Variants in TARBP1 observed in about 807,000 individuals in gnomAD.
The protein encoded by TARBP1 is tRNA (guanosine(18)-2'-O)-methyltransferase TARBP1.
A neutral mutation model predicts 178.6 loss-of-function variants in TARBP1; 144 were observed. The observed-to-expected ratio is 0.81, with a 90% CI of 0.70 to 0.93. The LOEUF (loss-of-function observed/expected upper bound fraction) is 0.93. Among genes scored for constraint, TARBP1 ranks in the 40% least tolerant of loss-of-function variants. TARBP1 has a pLI of 0.00. For missense variants in TARBP1, 2,067 were observed against 2,011.7 expected (o/e 1.03, Z -0.53); for synonymous variants, 787 against 781.0 (o/e 1.01, Z -0.13).
chr1:234,403,076 T>C (rs564688549), intron 24 of TARBP1, among the ~76,000 whole-genome samples: 16 of 152,308 alleles, frequency 1.1e-4, no homozygotes, highest in African/African-American at 3.6e-4. Context: ...TCACCTCCGA[T>C]CTGCTCTTCA....
rs559491475 is a variant in TARBP1, at chr1:234,393,010, C to T, written c.4560+352G>A. Among the ~76,000 whole-genome samples, 9 of 152,250 alleles carry T rather than the reference C, an allele frequency of 5.9e-5. No homozygotes were observed. The South Asian group carries it at 6.2e-4, about 11-fold the overall frequency. On this transcript the variant is annotated intron_variant, in intron 28 of 29. Coordinates refer to ENST00000040877, the MANE Select transcript of TARBP1 (RefSeq NM_005646.4). ...CTGGGATTACAGGCGTGAGCCACCG[C>T]GCCCAGCCACCATGATATAAATTTC...
intron 11 of TARBP1, among the ~76,000 whole-genome samples, 156 bp downstream of exon 11, chr1:234,448,324 A>G (rs1666390964): frequency 6.6e-6 from 1 of 152,202 alleles, no homozygotes; most frequent in Non-Finnish European, 1.5e-5. Flanking sequence ...TTTGTTATTA[A>G]CTTTAAACAT....
Position 234,465,685 on chromosome 1 carries a change from A to G in TARBP1, c.1272T>C (p.Asp424=). ...TATACAGAGAGCTCTCTGAAAGCGC[A>G]TCCATTAATGGTCCAATAATAAACT... ...FSEFIIGPLM[D]ALSESSLYSR... The change falls in exon 5 of 30, where the codon GAT becomes GAC. Residue 424 remains aspartate (D), a synonymous_variant. Coordinates refer to ENST00000040877, the MANE Select transcript of TARBP1 (RefSeq NM_005646.4). 3 of 1,581,036 alleles carry G rather than the reference A, an allele frequency of 1.9e-6. No individual in the cohort carries two copies. The highest frequency in any genetic ancestry group is 2.6e-6 in the Non-Finnish European group (3 of 1,170,116).
Position 234,391,393 on chromosome 1 carries a change from A to T in TARBP1, c.*184T>A. 2.2e-6 allele frequency: 1 copy of T among 448,084 alleles called. No homozygotes were observed. The highest frequency in any genetic ancestry group is 3.9e-6 in the Non-Finnish European group (1 of 258,230). 27.8% of individuals were successfully genotyped at this position (448,084 alleles called of 1,614,324 possible). A position where few individuals can be genotyped will look rare whatever the true frequency, so the allele number is the denominator to read the frequency against. ...AAAGGAAGAATACAATTTAACAAAA[A>T]GTGTTTATTAAAGGGGAAAATATAT... On this transcript the variant is annotated 3_prime_UTR_variant, in exon 30 of 30. Coordinates refer to ENST00000040877, the MANE Select transcript of TARBP1 (RefSeq NM_005646.4).
In TARBP1 at chr1:234,478,552, G is replaced by T. The variant is rs1239558958; in HGVS notation, c.552C>A (p.Ala184=). Residue 184 remains alanine, a synonymous_variant, in exon 1 of 30, where the codon GCC becomes GCA. Transcript: ENST00000040877. ...CGGCCACCAGCGCCGCCGCGTCCTC[G>T]GCAGGCCCGGCCTCATCCCCGTCCC... ...GGGDGDEAGP[A]EDAAALVAGR... 36 of 1,344,336 alleles carry T rather than the reference G, an allele frequency of 2.7e-5. No individual in the cohort carries two copies. Among genetic ancestry groups the T allele is most frequent in the Non-Finnish European group, 3.3e-5 (35 of 1,046,796 alleles). The allele number at this position is 1,344,336 out of a possible 1,614,324, so 83.3% of individuals were successfully genotyped here.
chr1:234,478,063 T>C (rs1193946449), intron 1 of TARBP1, 110 bp downstream of exon 1: 3 of 1,099,024 alleles, frequency 2.7e-6, no homozygotes, highest in East Asian at 2.9e-5. Context: ...AACCAAATTC[T>C]GCATGGATCG....
intron 20 of TARBP1, among the ~76,000 whole-genome samples, chr1:234,425,317 A>G (rs1292854937): frequency 6.6e-6 from 1 of 152,230 alleles, no homozygotes; most frequent in Non-Finnish European, 1.5e-5. Flanking sequence ...ATGGTACACG[A>G]AAAACATTAC....
In TARBP1 at chr1:234,418,088, G is replaced by T; in HGVS notation, c.3701C>A (p.Ser1234Tyr). ...TAAAAAATATTCTTTACTTACATAA[G>T]AAAAACAATCCCAGAACTTTGGAAG... ...QFLPKFWDCF[S>Y]YGEENLKTSI... The change falls in exon 22 of 30, where the codon TCT becomes TAT. Residue 1234 changes from serine (S) to tyrosine (Y), a missense_variant. Coordinates refer to ENST00000040877, the MANE Select transcript of TARBP1 (RefSeq NM_005646.4). 7.5e-7 allele frequency: 1 copy of T among 1,340,540 alleles called. No homozygotes were observed. The highest frequency in any genetic ancestry group is 1.0e-6 in the Non-Finnish European group (1 of 1,004,608). 83.0% of individuals were successfully genotyped at this position (1,340,540 alleles called of 1,614,324 possible). A position where few individuals can be genotyped will look rare whatever the true frequency, so the allele number is the denominator to read the frequency against.
At chr1:234,434,593 G>A (rs923465212) in intron 13 of TARBP1, among the ~76,000 whole-genome samples, 1 of 152,186 alleles carries the variant, frequency 6.6e-6, no homozygotes, top group African/African-American at 2.4e-5. Flanking sequence ...TATAATGAGG[G>A]AGTCAGTTTT....
intron 21 of TARBP1, among the ~76,000 whole-genome samples, chr1:234,418,612 C>T (rs923951038): frequency 2.0e-5 from 3 of 152,218 alleles, no homozygotes; most frequent in Admixed American, 6.5e-5. Context: ...AGGGATGGTA[C>T]AGAGACTGAA....
At chr1:234,450,404 C>T in intron 10 of TARBP1, 24 bp downstream of exon 10, 3 of 1,541,708 alleles carry the variant, frequency 1.9e-6, no homozygotes, top group Non-Finnish European at 2.6e-6. Context: ...TTATATCAAT[C>T]CATAAAAATG....
In TARBP1 at chr1:234,450,438, A is replaced by C. The variant is rs778532709; in HGVS notation, c.1851T>G (p.Ser617=). ...KSIVQEYVKS[S]AWETGENCFM... is the part of the protein sequence containing the mutation. The stretch of plus-strand genomic sequence containing the variant: ...TGATTGCAGACTTACTTTCCCAAGC[A>C]GATGACTTAACATACTCTTGAACAA... The change falls in exon 10 of 30, where the codon TCT becomes TCG. Residue 617 remains serine, a synonymous_variant. Coordinates refer to ENST00000040877, the MANE Select transcript of TARBP1 (RefSeq NM_005646.4). 5 of 1,578,840 alleles carry C rather than the reference A, an allele frequency of 3.2e-6. No individual in the cohort carries two copies. Among genetic ancestry groups the C allele is most frequent in the Non-Finnish European group, 8.6e-7 (1 of 1,168,326 alleles).
At chr1:234,399,779 G>T (rs545655111) in intron 25 of TARBP1, among the ~76,000 whole-genome samples, 16 of 151,002 alleles carry the variant, frequency 1.1e-4, no homozygotes, top group Non-Finnish European at 2.1e-4. Flanking sequence ...GTAAACTATC[G>T]CAAGAACGAA....
Position 234,478,679 on chromosome 1 carries a change from T to A in TARBP1, c.425A>T (p.Glu142Val). The A allele has an allele frequency of 6.5e-6, 8 of 1,233,060 alleles. No homozygotes were observed. The highest frequency in any genetic ancestry group is 8.1e-6 in the Non-Finnish European group (8 of 986,076). The allele number at this position is 1,233,060 out of a possible 1,614,324, so 76.4% of individuals were successfully genotyped here. A position where few individuals can be genotyped will look rare whatever the true frequency, so the allele number is the denominator to read the frequency against. ...ACATGGCCCGACGGCTGCTAGCACT[T>A]CCACGGCAGCCTCGGCGCCAGGCGC... ...WRAPGAEAAV[E>V]VLAAVGPCLR... Residue 142 changes from glutamate (E) to valine (V), a missense_variant, in exon 1 of 30, where the codon GAA becomes GTA. Transcript: ENST00000040877.
chr1:234,475,562 G>A (rs1345901162), intron 1 of TARBP1, among the ~76,000 whole-genome samples: 5 of 152,224 alleles, frequency 3.3e-5, no homozygotes, highest in Non-Finnish European at 7.3e-5. Context: ...GCTGCCACAG[G>A]TTAGGGCCAG....
Position 234,425,652 on chromosome 1 carries a change from TTTA to T in TARBP1, c.3444+18_3444+20del. 9 of 1,490,020 alleles carry T rather than the reference TTTA, an allele frequency of 6.0e-6. No individual in the cohort carries two copies. Among genetic ancestry groups the T allele is most frequent in the South Asian group, 2.6e-5 (2 of 76,234 alleles). The allele number at this position is 1,490,020 out of a possible 1,614,324, so 92.3% of individuals were successfully genotyped here. On this transcript the variant is annotated intron_variant, in intron 20 of 29. Transcript: ENST00000040877. ...CTCTGACTGTTAAAAACAAAGATAA[TTTA>T]AAGTAAAATACACTTACTTTATCTA...
chr1:234,473,367 A>C (rs271776), intron 1 of TARBP1, among the ~76,000 whole-genome samples: 93,754 of 152,060 alleles, frequency 0.62, 29,985 homozygotes, highest in East Asian at 0.92. Context: ...TCCCCAGGCC[A>C]CTTTCCTATG....
chr1:234,410,403 C>A (rs1661680109), intron 23 of TARBP1, 42 bp downstream of exon 23: 1 of 1,224,202 alleles, frequency 8.2e-7, no homozygotes. Flanking sequence ...ACATACAATT[C>A]TTTTTTTACA....
At chr1:234,409,388 G>A (rs973594090) in intron 23 of TARBP1, among the ~76,000 whole-genome samples, 2 of 152,134 alleles carry the variant, frequency 1.3e-5, no homozygotes, top group African/African-American at 2.4e-5. Flanking sequence ...CATCTACCCC[G>A]CAACAGGACA....
Sources: gnomAD v4.1 joint callset for allele counts (sites outside exome capture counted in the v4.1 genomes callset) on GRCh38, gnomAD v4.1.1 for gene constraint, MANE v1.5 for transcripts, NCBI Gene and HGNC (gene_info 2026-07-23, HGNC 2026-07-21) for gene names.